The following ZC2HC1B variants were observed in gnomAD, a reference collection of about 807,000 sequenced individuals.
The protein encoded by ZC2HC1B is zinc finger C2HC-type containing 1B.
ZC2HC1B carries 36 observed loss-of-function variants against 31.0 expected under a neutral mutation model. The observed-to-expected ratio is 1.16, with a 90% CI of 0.89 to 1.54. ZC2HC1B has a LOEUF of 1.54. Among genes scored for constraint, ZC2HC1B ranks in the 40% most tolerant of loss-of-function variants. The pLI, the probability that ZC2HC1B is intolerant of heterozygous loss-of-function variation, is 0.00. For missense variants in ZC2HC1B, 260 were observed against 268.6 expected, an observed-to-expected ratio of 0.97 and a Z score of 0.22; for synonymous variants, 73 against 88.0, an observed-to-expected ratio of 0.83 and a Z score of 0.95.
chr6:143,879,824 ATTTTTTT>A (rs557859315), intron 1 of ZC2HC1B, among the ~76,000 whole-genome samples: 3 of 53,680 alleles, frequency 5.6e-5, no homozygotes, highest in Non-Finnish European at 9.8e-5. Context: ...GTTGTCCCTG[ATTTTTTT>A]TTTTTTTTTT....
rs1229302790 is a variant in ZC2HC1B, at chr6:143,915,002, A to G, written c.598+11850A>G. Among the ~76,000 whole-genome samples the G allele has an allele frequency of 1.3e-5, 2 of 152,188 alleles. No individual in the cohort carries two copies. The highest frequency in any genetic ancestry group is 1.9e-4 in the East Asian group (1 of 5,204). Reference sequence around the variant, plus strand: ...CGATTTACATTTCAAGTAATTACTGATAAGGAGAGACATTTGTCATTCTGG... The same window carrying G: ...CGATTTACATTTCAAGTAATTACTGGTAAGGAGAGACATTTGTCATTCTGG... On this transcript the variant is annotated intron_variant, in intron 6 of 7. Coordinates refer to ENST00000237275, the MANE Select transcript of ZC2HC1B (RefSeq NM_001013623.3). This position sits in a 1 kb window ranked among gnomAD's most constrained non-coding sequence, Gnocchi z 5.2.
At position 143,886,917 on chromosome 6, in the gene ZC2HC1B, C is replaced by CTTCT; in HGVS notation, c.349+96_349+97insTTCT. The CTTCT allele has an allele frequency of 1.8e-6, 2 of 1,123,466 alleles. No individual in the cohort carries two copies. Among genetic ancestry groups the CTTCT allele is most frequent in the Non-Finnish European group, 2.3e-6 (2 of 852,850 alleles). 69.6% of individuals were successfully genotyped at this position (1,123,466 alleles called of 1,614,324 possible). On this transcript the variant is annotated intron_variant, in intron 4 of 7. Coordinates refer to ENST00000237275, the MANE Select transcript of ZC2HC1B (RefSeq NM_001013623.3). This position sits in a 1 kb window ranked among gnomAD's most constrained non-coding sequence, Gnocchi z 4.2. ...ACTCTGAAATTGACAATAACAATTA[C>CTTCT]ATAGAAGTAATTTTATTAATTATAT...
In ZC2HC1B at chr6:143,899,562, A is replaced by C. The variant is rs148600465; in HGVS notation, c.489+871A>C. On this transcript the variant is annotated intron_variant, in intron 5 of 7. Transcript: ENST00000237275. This position sits in a 1 kb window ranked among gnomAD's most constrained non-coding sequence, Gnocchi z 5.0. ...AGCTAATTTTTTGTATTTTTAGTAG[A>C]GATGGGGTCTCACTGTGTTGCTCAG... Among the ~76,000 whole-genome samples, 276 of 152,272 alleles carry C rather than the reference A, an allele frequency of 1.8e-3. No homozygotes were observed. Among genetic ancestry groups the C allele is most frequent in the African/African-American group, 6.2e-3 (258 of 41,546 alleles).
At position 143,870,839 on chromosome 6, in the gene ZC2HC1B, G is replaced by A. The variant is rs982539407; in HGVS notation, c.28+6272G>A. 6.6e-6 allele frequency among the ~76,000 whole-genome samples: 1 copy of A among 152,138 alleles called. No homozygotes were observed. The highest frequency in any genetic ancestry group is 1.5e-5 in the Non-Finnish European group (1 of 68,028). ...GCCACTGACACCTCAAGTACCATTG[G>A]ATCTGCTGGGTCATATGGCCCAATT... On this transcript the variant is annotated intron_variant, in intron 1 of 7. Transcript: ENST00000237275. This position sits in a 1 kb window ranked among gnomAD's most constrained non-coding sequence, Gnocchi z 4.7.
At position 143,870,943 on chromosome 6, in the gene ZC2HC1B, T is replaced by C. The variant is rs921480936; in HGVS notation, c.28+6376T>C. ...TGGACCCCACTCAAAACTGGCAGCTTCAGGTCACTTGATAAATGGGCCGGA... is the reference window on the plus strand; with the variant it reads ...TGGACCCCACTCAAAACTGGCAGCTCCAGGTCACTTGATAAATGGGCCGGA... On this transcript the variant is annotated intron_variant, in intron 1 of 7. Coordinates refer to ENST00000237275, the MANE Select transcript of ZC2HC1B (RefSeq NM_001013623.3). This position sits in a 1 kb window ranked among gnomAD's most constrained non-coding sequence, Gnocchi z 4.7. 1.3e-5 allele frequency among the ~76,000 whole-genome samples: 2 copies of C among 152,080 alleles called. No homozygotes were observed. Among genetic ancestry groups the C allele is most frequent in the African/African-American group, 4.8e-5 (2 of 41,406 alleles).
At position 143,870,089 on chromosome 6, in the gene ZC2HC1B, A is replaced by G. The variant is rs1030198569; in HGVS notation, c.28+5522A>G. On this transcript the variant is annotated intron_variant, in intron 1 of 7. Transcript: ENST00000237275. The surrounding 1 kb of genome is among the most constrained non-coding windows in gnomAD (Gnocchi z 4.7). The stretch of plus-strand genomic sequence containing the variant: ...TTTCTTTGTCACCAATTTTCCAATC[A>G]TGCTTCTTCCAAGTCCCTGACTATC... Among the ~76,000 whole-genome samples, 10 of 152,156 alleles carry G rather than the reference A, an allele frequency of 6.6e-5. No homozygotes were observed. The highest frequency in any genetic ancestry group is 2.4e-4 in the African/African-American group (10 of 41,436).
intron 6 of ZC2HC1B, among the ~76,000 whole-genome samples, chr6:143,930,760 A>G (rs1297091712): frequency 1.3e-5 from 2 of 152,186 alleles, no homozygotes; most frequent in African/African-American, 4.8e-5. Context: ...TTCAATTTCT[A>G]AAATGTACTG....
In ZC2HC1B at chr6:143,915,336, G is replaced by A. The variant is rs1289856992; in HGVS notation, c.598+12184G>A. ...ATGATTGTGTGGCCTTCCCAGCCATGTGGAACTGTAAGTCCAATAAACTTC... is the reference window on the plus strand; with the variant it reads ...ATGATTGTGTGGCCTTCCCAGCCATATGGAACTGTAAGTCCAATAAACTTC... On this transcript the variant is annotated intron_variant, in intron 6 of 7. Coordinates refer to ENST00000237275, the MANE Select transcript of ZC2HC1B (RefSeq NM_001013623.3). This position sits in a 1 kb window ranked among gnomAD's most constrained non-coding sequence, Gnocchi z 5.2. Among the ~76,000 whole-genome samples, 2 of 152,214 alleles carry A rather than the reference G, an allele frequency of 1.3e-5. No individual in the cohort carries two copies. The highest frequency in any genetic ancestry group is 4.8e-5 in the African/African-American group (2 of 41,454).
At chr6:143,889,331 T>C (rs757548266) in intron 4 of ZC2HC1B, among the ~76,000 whole-genome samples, 2 of 152,030 alleles carry the variant, frequency 1.3e-5, no homozygotes, top group Admixed American at 6.5e-5. Flanking sequence ...GATAACAAGA[T>C]GGTAGACTTA....
chr6:143,875,523 A>T (rs1179984369), intron 1 of ZC2HC1B, among the ~76,000 whole-genome samples: 1 of 150,636 alleles, frequency 6.6e-6, no homozygotes, highest in Non-Finnish European at 1.5e-5. Flanking sequence ...GTGTCCCCAA[A>T]TCTATAAATT....
In ZC2HC1B at chr6:143,865,729, A is replaced by G. The variant is rs1777250862; in HGVS notation, c.28+1162A>G. 6.8e-6 allele frequency among the ~76,000 whole-genome samples: 1 copy of G among 148,008 alleles called. No individual in the cohort carries two copies. The highest frequency in any genetic ancestry group is 1.5e-5 in the Non-Finnish European group (1 of 66,764). On this transcript the variant is annotated intron_variant, in intron 1 of 7. Transcript: ENST00000237275. The surrounding 1 kb of genome is among the most constrained non-coding windows in gnomAD (Gnocchi z 4.4). ...AGAAAAGAATTAAACATAGAACCATAGCAGGGCCTAGAATCACTGGGGTTA... is the reference window on the plus strand; with the variant it reads ...AGAAAAGAATTAAACATAGAACCATGGCAGGGCCTAGAATCACTGGGGTTA...
intron 6 of ZC2HC1B, among the ~76,000 whole-genome samples, chr6:143,919,844 A>T (rs1777967698): frequency 6.6e-6 from 1 of 152,282 alleles, no homozygotes; most frequent in South Asian, 2.1e-4. Context: ...CAAAATAGTT[A>T]TATGGGACAC....
chr6:143,919,259 GTGTGTGTA>G (rs1582972905), intron 6 of ZC2HC1B, among the ~76,000 whole-genome samples: 2 of 148,980 alleles, frequency 1.3e-5, no homozygotes, highest in East Asian at 2.0e-4. Context: ...GTGTGTGTGT[GTGTGTGTA>G]TGTGACTGTC....
In ZC2HC1B at chr6:143,907,234, A is replaced by G. The variant is rs140611424; in HGVS notation, c.598+4082A>G. On this transcript the variant is annotated intron_variant, in intron 6 of 7. Coordinates refer to ENST00000237275, the MANE Select transcript of ZC2HC1B (RefSeq NM_001013623.3). Reference sequence around the variant, plus strand: ...CTTTGCTATTGTGAATAGTGCTGCAATGAAAATACATGTGCATGTATCTTT... The same window carrying G: ...CTTTGCTATTGTGAATAGTGCTGCAGTGAAAATACATGTGCATGTATCTTT... Among the ~76,000 whole-genome samples, 45 of 152,328 alleles carry G rather than the reference A, an allele frequency of 3.0e-4. No individual in the cohort carries two copies. In the East Asian group the frequency reaches 8.3e-3, roughly 28 times the overall value.
rs1006327429 is a variant in ZC2HC1B, at chr6:143,903,416, A to G, written c.598+264A>G. On this transcript the variant is annotated intron_variant, in intron 6 of 7. Coordinates refer to ENST00000237275, the MANE Select transcript of ZC2HC1B (RefSeq NM_001013623.3). This position sits in a 1 kb window ranked among gnomAD's most constrained non-coding sequence, Gnocchi z 4.3. The stretch of plus-strand genomic sequence containing the variant: ...AAACCATTGTTCTCCGGTCTAGTAA[A>G]ATTGAAGAGATTGAAAATAGGAGAA... Among the ~76,000 whole-genome samples the G allele has an allele frequency of 3.3e-5, 5 of 152,178 alleles. No individual in the cohort carries two copies. The highest frequency in any genetic ancestry group is 5.9e-5 in the Non-Finnish European group (4 of 68,034).
Position 143,885,109 on chromosome 6 carries a change from A to G in ZC2HC1B, c.90+744A>G, listed in dbSNP as rs1481834409. 6.6e-6 allele frequency among the ~76,000 whole-genome samples: 1 copy of G among 152,142 alleles called. No homozygotes were observed. Among genetic ancestry groups the G allele is most frequent in the African/African-American group, 2.4e-5 (1 of 41,418 alleles). ...AGTTGGGACATTTTAGATAAAGGAGACTTATCTGGAACTTAAAGGATGTGG... is the reference window on the plus strand; with the variant it reads ...AGTTGGGACATTTTAGATAAAGGAGGCTTATCTGGAACTTAAAGGATGTGG... On this transcript the variant is annotated intron_variant, in intron 2 of 7. Transcript: ENST00000237275. The surrounding 1 kb of genome is among the most constrained non-coding windows in gnomAD (Gnocchi z 4.2).
In ZC2HC1B at chr6:143,883,622, GAAGT is replaced by G. The variant is rs1777495868; in HGVS notation, c.29-679_29-676del. Among the ~76,000 whole-genome samples the G allele has an allele frequency of 2.0e-5, 3 of 152,204 alleles. No individual in the cohort carries two copies. Among genetic ancestry groups the G allele is most frequent in the South Asian group, 2.1e-4 (1 of 4,816 alleles). On this transcript the variant is annotated intron_variant, in intron 1 of 7. Transcript: ENST00000237275. This position sits in a 1 kb window ranked among gnomAD's most constrained non-coding sequence, Gnocchi z 4.1. ...TATTTGACTCCTGATGAACCAAAAG[GAAGT>G]AATACAAAAAACCTTTTTTCAGAAT...
chr6:143,886,785 C>T lies in ZC2HC1B; in HGVS notation c.313C>T (p.Pro105Ser). The T allele has an allele frequency of 1.9e-6, 3 of 1,546,236 alleles. No homozygotes were observed. The highest frequency in any genetic ancestry group is 1.2e-5 in the South Asian group (1 of 83,250). ...QCMLAIKEGR[P>S]LPPPPPPSLN... ...TATGCTAGCCATTAAAGAAGGCCGA[C>T]CCCTCCCACCTCCACCCCCTCCATC... is the stretch of plus-strand genomic sequence containing the variant. The change falls in exon 4 of 8, where the codon CCC becomes TCC. Residue 105 changes from proline (P) to serine (S), a missense_variant. Physicochemically the swap from Pro to Ser is moderately conservative, Grantham distance 74. Coordinates refer to ENST00000237275, the MANE Select transcript of ZC2HC1B (RefSeq NM_001013623.3). This position sits in a 1 kb window ranked among gnomAD's most constrained non-coding sequence, Gnocchi z 4.2.
In ZC2HC1B at chr6:143,868,140, T is replaced by A. The variant is rs1777289418; in HGVS notation, c.28+3573T>A. ...GAAGCCATCCTGATTGCTGATCATTTGTATCTGATTTTTCTTTGGAAGTCT... is the reference window on the plus strand; with the variant it reads ...GAAGCCATCCTGATTGCTGATCATTAGTATCTGATTTTTCTTTGGAAGTCT... On this transcript the variant is annotated intron_variant, in intron 1 of 7. Coordinates refer to ENST00000237275, the MANE Select transcript of ZC2HC1B (RefSeq NM_001013623.3). This position sits in a 1 kb window ranked among gnomAD's most constrained non-coding sequence, Gnocchi z 4.2. Among the ~76,000 whole-genome samples, 1 of 152,230 alleles carries A rather than the reference T, an allele frequency of 6.6e-6. No homozygotes were observed. Among genetic ancestry groups the A allele is most frequent in the Non-Finnish European group, 1.5e-5 (1 of 68,044 alleles).
Sources: allele counts gnomAD v4.1 joint callset (sites outside exome capture counted in the v4.1 genomes callset), GRCh38; gene constraint gnomAD v4.1.1; non-coding constraint Gnocchi (gnomAD v3.1); transcripts MANE v1.5; gene names NCBI Gene and HGNC (gene_info 2026-07-23, HGNC 2026-07-21).